KIF21A: variants seen among roughly 807,000 people sequenced by gnomAD.
KIF21A encodes the protein kinesin-like protein KIF21A.
In KIF21A, 114 loss-of-function variants were observed where a neutral mutation model predicts 202.9. The observed-to-expected ratio is 0.56, with a 90% CI of 0.48 to 0.66. KIF21A has a LOEUF of 0.66. Among genes scored for constraint, KIF21A ranks in the 30% least tolerant of loss-of-function variants. KIF21A has a pLI of 0.00. For missense variants in KIF21A, 1,677 were observed against 1,994.9 expected, an observed-to-expected ratio of 0.84 and a Z score of 3.04; for synonymous variants, 667 against 670.8, an observed-to-expected ratio of 0.99 and a Z score of 0.09.
intron 28 of KIF21A, 151 bp from the exon 29 acceptor site, chr12:39,318,352 G>T (rs1414893911): frequency 1.2e-5 from 9 of 739,804 alleles, no homozygotes; most frequent in Admixed American, 2.8e-5. Flanking sequence ...AATGCATTCT[G>T]AACAATTTTT....
rs1944781508 is a variant in KIF21A, at chr12:39,318,164, G to A, written c.3817C>T (p.Pro1273Ser). The part of the protein sequence containing the change: ...SGTSEASLSP[P>S]SSPPSRPRNE... ...CGGGGCCGGCTTGGTGGGGAAGAAG[G>A]AGGTGAAAGACTAGCCTCTGAAGTT... is the stretch of plus-strand genomic sequence containing the variant. Residue 1273 changes from proline (P) to serine (S), a missense_variant, in exon 29 of 38, where the codon CCT becomes TCT. By Grantham distance (74) the Pro-to-Ser change is moderately conservative. Around this residue, in one of 3 missense-constraint regions of KIF21A, gnomAD observed 705 missense variants for 791.9 expected, o/e 0.89. Transcript: ENST00000361418. The A allele has an allele frequency of 6.2e-7, 1 of 1,613,554 alleles. No homozygotes were observed. The highest frequency in any genetic ancestry group is 8.5e-7 in the Non-Finnish European group (1 of 1,179,554).
intron 37 of KIF21A, among the ~76,000 whole-genome samples, chr12:39,297,328 G>A (rs558810104): frequency 5.8e-4 from 88 of 152,084 alleles, no homozygotes; most frequent in Non-Finnish European, 1.1e-3. Context: ...CAAAGACTTG[G>A]AACCAACCCA....
At chr12:39,387,995 A>T (rs572014112) in intron 1 of KIF21A, among the ~76,000 whole-genome samples, 11 of 152,290 alleles carry the variant, frequency 7.2e-5, no homozygotes, top group African/African-American at 2.2e-4. Flanking sequence ...GGCTGCAAGA[A>T]AAGTGATGTG....
chr12:39,388,134 T>C (rs1177897411), intron 1 of KIF21A, among the ~76,000 whole-genome samples: 1 of 152,096 alleles, frequency 6.6e-6, no homozygotes, highest in Non-Finnish European at 1.5e-5. Context: ...ATAGGAGGTG[T>C]TTGGGTCATG....
intron 1 of KIF21A, among the ~76,000 whole-genome samples, chr12:39,403,602 G>A (rs1177466214): frequency 6.6e-6 from 1 of 152,106 alleles, no homozygotes; most frequent in Non-Finnish European, 1.5e-5. Context: ...CTGTTTCCCA[G>A]TACATGAAAT....
intron 34 of KIF21A, 79 bp from the exon 35 acceptor site, chr12:39,305,017 A>G: frequency 1.4e-6 from 1 of 732,406 alleles, no homozygotes; most frequent in Non-Finnish European, 2.4e-6. Flanking sequence ...TAAACGATCT[A>G]CATTCTTTCA....
At chr12:39,316,032 G>T in intron 29 of KIF21A, 62 bp from the exon 30 acceptor site, 2 of 1,106,304 alleles carry the variant, frequency 1.8e-6, no homozygotes, top group South Asian at 1.2e-5. Context: ...TAAGGACACT[G>T]ACTTTGGACT....
intron 37 of KIF21A, among the ~76,000 whole-genome samples, chr12:39,296,262 G>A (rs973752879): frequency 2.0e-5 from 3 of 150,642 alleles, no homozygotes; most frequent in Admixed American, 2.0e-4. Context: ...GTAGGGACAG[G>A]GTTTCACCGT....
chr12:39,307,538 G>A (rs376170265), intron 34 of KIF21A, 27 bp downstream of exon 34: 1 of 1,606,536 alleles, frequency 6.2e-7, no homozygotes. Context: ...CCATAGGCAA[G>A]AGGTATGTTT....
chr12:39,387,160 T>TTACACA (rs1247217236), intron 1 of KIF21A, among the ~76,000 whole-genome samples: 1 of 84,898 alleles, frequency 1.2e-5, no homozygotes, highest in Non-Finnish European at 2.2e-5. Flanking sequence ...CATGCAGTAG[T>TTACACA]TACACACACA....
intron 30 of KIF21A, 123 bp from the exon 31 acceptor site, chr12:39,315,363 C>T (rs2137493210): frequency 1.3e-6 from 1 of 771,574 alleles, no homozygotes; most frequent in Non-Finnish European, 2.2e-6. Context: ...TTAAGGACCC[C>T]CAGAAAAATC....
Position 39,341,206 on chromosome 12 carries a change from G to A in KIF21A, c.1922-112C>T. 10 of 900,454 alleles carry A rather than the reference G, an allele frequency of 1.1e-5. No homozygotes were observed. The South Asian group carries it at 1.5e-4, about 14-fold the overall frequency. The allele number at this position is 900,454 out of a possible 1,614,324, so 55.8% of individuals were successfully genotyped here. On this transcript the variant is annotated intron_variant, in intron 14 of 37. Transcript: ENST00000361418. Reference sequence around the variant, plus strand: ...ACTAGGTATTTTTATTCACTTAGTAGTTATTAGAAAAATTTCCTGGAAAAA... The same window carrying A: ...ACTAGGTATTTTTATTCACTTAGTAATTATTAGAAAAATTTCCTGGAAAAA...
intron 36 of KIF21A, among the ~76,000 whole-genome samples, chr12:39,302,090 T>C (rs1943012322): frequency 6.6e-6 from 1 of 152,192 alleles, no homozygotes; most frequent in South Asian, 2.1e-4. Flanking sequence ...AAACTTTCAA[T>C]AGAGAATATA....
Position 39,315,256 on chromosome 12 carries a change from A to T in KIF21A, c.3948-16T>A. The T allele has an allele frequency of 6.2e-7, 1 of 1,611,440 alleles. No individual in the cohort carries two copies. The highest frequency in any genetic ancestry group is 8.5e-7 in the Non-Finnish European group (1 of 1,178,020). On this transcript the variant is annotated splice_polypyrimidine_tract_variant and intron_variant, in intron 30 of 37. Coordinates refer to ENST00000361418, the MANE Select transcript of KIF21A (RefSeq NM_001173464.2). ...TCTGGAGGATCTGCTGATGATCAGC[A>T]AAAATGGCCATAAAACAAGGAAAAC... is the stretch of plus-strand genomic sequence containing the variant.
chr12:39,353,427 C>A (rs192605136), intron 10 of KIF21A, among the ~76,000 whole-genome samples: 1 of 152,190 alleles, frequency 6.6e-6, no homozygotes, highest in East Asian at 1.9e-4. Context: ...GTGCAAACTT[C>A]TAGGTTAATT....
chr12:39,355,502 A>C (rs1343378093), intron 10 of KIF21A, among the ~76,000 whole-genome samples: 1 of 151,880 alleles, frequency 6.6e-6, no homozygotes, highest in Admixed American at 6.6e-5. Context: ...GAATTAAAAA[A>C]ACAGAGCTAT....
chr12:39,349,020 T>C (rs1471630696), intron 11 of KIF21A, among the ~76,000 whole-genome samples: 1 of 151,938 alleles, frequency 6.6e-6, no homozygotes, highest in Non-Finnish European at 1.5e-5. Context: ...AAATAGATAA[T>C]TTTGAAATTG....
At chr12:39,369,604 A>G (rs1056991204) in intron 3 of KIF21A, 125 bp downstream of exon 3, 48 of 709,372 alleles carry the variant, frequency 6.8e-5, no homozygotes, top group Admixed American at 1.9e-4. Flanking sequence ...ATGTTAATTT[A>G]CTCAAACAAC....
intron 10 of KIF21A, among the ~76,000 whole-genome samples, chr12:39,355,707 T>TATATATATATATATATATATATATATA: frequency 9.9e-6 from 1 of 101,230 alleles, no homozygotes; most frequent in Non-Finnish European, 1.9e-5. Flanking sequence ...GCATGAACAA[T>TATATATATATATATATATATATATATA]TATATATATA....
Sources: gnomAD v4.1 joint callset for allele counts (sites outside exome capture counted in the v4.1 genomes callset) on GRCh38, gnomAD v4.1.1 for gene constraint, gnomAD v4.1.1 regional missense constraint, MANE v1.5 for transcripts, NCBI Gene and HGNC (gene_info 2026-07-23, HGNC 2026-07-21) for gene names.